CREB1: variants seen among roughly 807,000 people sequenced by gnomAD.
CREB1 encodes the protein cAMP responsive element binding protein 1, also known as cyclic AMP-responsive element-binding protein 1.
CREB1 carries 2 observed loss-of-function variants against 42.0 expected under a neutral mutation model. The observed-to-expected ratio is 0.05, with a 90% CI of 0.02 to 0.15. The LOEUF is 0.15. CREB1 is among the 10% of genes least tolerant of loss of function. The pLI, the probability that CREB1 is intolerant of heterozygous loss-of-function variation, is 1.00. For missense variants in CREB1, 199 were observed against 388.9 expected (o/e 0.51, Z 4.11); for synonymous variants, 123 against 139.9 (o/e 0.88, Z 0.85).
In CREB1 at chr2:207,533,406, A is replaced by G. The variant is rs955633040; in HGVS notation, c.-9+3272A>G. On this transcript the variant is annotated intron_variant, in intron 1 of 7. Transcript: ENST00000353267. ...TTGGTTTTGTTTGTTTGGATACAGT[A>G]TGGTTATGGGGTTATAGTAAAACCA... is the stretch of plus-strand genomic sequence containing the variant. Among the ~76,000 whole-genome samples, 51 of 152,272 alleles carry G rather than the reference A, an allele frequency of 3.3e-4. 1 individual carries two copies. The highest frequency in any genetic ancestry group is 2.0e-3 in the Admixed American group (30 of 15,270).
At chr2:207,568,951 C>T (rs1209892370) in intron 4 of CREB1, among the ~76,000 whole-genome samples, 1 of 152,110 alleles carries the variant, frequency 6.6e-6, no homozygotes, top group African/African-American at 2.4e-5. Context: ...CATTTCTTTC[C>T]TACCCATCCC....
intron 1 of CREB1, among the ~76,000 whole-genome samples, chr2:207,548,522 G>A (rs376258233): frequency 7.2e-5 from 11 of 152,116 alleles, no homozygotes; most frequent in Admixed American, 2.0e-4. Context: ...AGGCTGATGC[G>A]GGTAGATCAC....
intron 1 of CREB1, among the ~76,000 whole-genome samples, chr2:207,534,112 T>C (rs560363337): frequency 3.9e-5 from 6 of 152,386 alleles, no homozygotes; most frequent in Non-Finnish European, 8.8e-5. Flanking sequence ...ATACCTCACT[T>C]TCCTTTCTGA....
At chr2:207,543,578 G>A (rs1314816425) in intron 1 of CREB1, among the ~76,000 whole-genome samples, 2 of 151,852 alleles carry the variant, frequency 1.3e-5, no homozygotes, top group Admixed American at 6.6e-5. Flanking sequence ...CAGGGTTTCT[G>A]TTTTATTAAT....
At chr2:207,543,079 C>G (rs1258863630) in intron 1 of CREB1, among the ~76,000 whole-genome samples, 1 of 152,174 alleles carries the variant, frequency 6.6e-6, no homozygotes, top group Non-Finnish European at 1.5e-5. Context: ...ATGTAATCGA[C>G]AAATATCCTC....
At chr2:207,571,412 C>T (rs1253873297) in intron 5 of CREB1, among the ~76,000 whole-genome samples, 4 of 152,092 alleles carry the variant, frequency 2.6e-5, no homozygotes, top group Admixed American at 1.3e-4. Context: ...CTTTGTTTTG[C>T]GTAACTCTAA....
chr2:207,589,548 T>C (rs1268117198), intron 7 of CREB1, among the ~76,000 whole-genome samples: 1 of 152,234 alleles, frequency 6.6e-6, no homozygotes, highest in East Asian at 1.9e-4. Flanking sequence ...GATTAGTACA[T>C]GGACACCTTT....
At chr2:207,591,629 C>T (rs891118430) in intron 7 of CREB1, among the ~76,000 whole-genome samples, 5 of 152,254 alleles carry the variant, frequency 3.3e-5, no homozygotes, top group East Asian at 3.9e-4. Context: ...GACGGGGTTT[C>T]GCCATGTTGG....
At chr2:207,545,423 T>C (rs1176654867) in intron 1 of CREB1, among the ~76,000 whole-genome samples, 2 of 152,112 alleles carry the variant, frequency 1.3e-5, no homozygotes, top group Non-Finnish European at 2.9e-5. Flanking sequence ...GGCCAGCTGG[T>C]CACGAACTTC....
In CREB1 at chr2:207,604,171, ATTGCCCATC is replaced by A. The variant is rs2087639208; in HGVS notation, c.*7117_*7125del. ...CAGGTGCTTGGACCTTCAGGAAAAG[ATTGCCCATC>A]TTGTCATTTGACCAGGCACTGAAGT... is the stretch of plus-strand genomic sequence containing the variant. On this transcript the variant is annotated 3_prime_UTR_variant, in exon 8 of 8. Coordinates refer to ENST00000353267, the MANE Select transcript of CREB1 (RefSeq NM_004379.5). 6.6e-6 allele frequency among the ~76,000 whole-genome samples: 1 copy of A among 152,216 alleles called. No individual in the cohort carries two copies. The highest frequency in any genetic ancestry group is 1.5e-5 in the Non-Finnish European group (1 of 68,030).
At chr2:207,582,193 C>T (rs2083053261) in intron 7 of CREB1, 1 of 702,654 alleles carries the variant, frequency 1.4e-6, no homozygotes, top group Non-Finnish European at 2.6e-6. Context: ...AATTTGTGGT[C>T]ATATGTTAAA....
chr2:207,595,819 T>C (rs1278850806), intron 7 of CREB1, among the ~76,000 whole-genome samples: 1 of 152,194 alleles, frequency 6.6e-6, no homozygotes, highest in Non-Finnish European at 1.5e-5. Flanking sequence ...TTCTCCCACC[T>C]CAGCCTCCCA....
intron 3 of CREB1, among the ~76,000 whole-genome samples, chr2:207,564,964 G>A (rs1453999198): frequency 6.6e-6 from 1 of 151,562 alleles, no homozygotes; most frequent in Non-Finnish European, 1.5e-5. Context: ...TTCATATGAT[G>A]TTTTTATTCT....
chr2:207,560,202 T>G, intron 2 of CREB1, 24 bp from the exon 3 acceptor site: 1 of 1,540,594 alleles, frequency 6.5e-7, no homozygotes, highest in Non-Finnish European at 8.8e-7. Flanking sequence ...GGATGATAAT[T>G]CTTTTCTGTG....
Position 207,601,856 on chromosome 2 carries a change from T to A in CREB1, c.*4798T>A, listed in dbSNP as rs1203292104. 1.8e-5 allele frequency: 4 copies of A among 217,378 alleles called. No homozygotes were observed. The East Asian group carries it at 2.7e-4, about 15-fold the overall frequency. The allele number at this position is 217,378 out of a possible 1,614,324, so 13.5% of individuals were successfully genotyped here. A position where few individuals can be genotyped will look rare whatever the true frequency, so the allele number is the denominator to read the frequency against. On this transcript the variant is annotated 3_prime_UTR_variant, in exon 8 of 8. Coordinates refer to ENST00000353267, the MANE Select transcript of CREB1 (RefSeq NM_004379.5). ...GTTGTACAAAGCACAACTAGAACTT[T>A]TTGTTGGGAGGCTTACATACATCTT...
At chr2:207,540,392 G>A (rs912315386) in intron 1 of CREB1, among the ~76,000 whole-genome samples, 2 of 151,902 alleles carry the variant, frequency 1.3e-5, no homozygotes, top group Non-Finnish European at 2.9e-5. Context: ...TGTAATCCTA[G>A]CACTTGGGGA....
intron 1 of CREB1, among the ~76,000 whole-genome samples, chr2:207,548,764 G>A (rs901970823): frequency 6.6e-6 from 1 of 151,468 alleles, no homozygotes; most frequent in East Asian, 1.9e-4. Context: ...TGCCTCCCCC[G>A]CTCCCCCCCA....
intron 1 of CREB1, among the ~76,000 whole-genome samples, chr2:207,546,869 A>C (rs1317001770): frequency 1.3e-5 from 2 of 152,202 alleles, no homozygotes; most frequent in African/African-American, 4.8e-5. Context: ...GGTACCTTTG[A>C]GTTCTTGGGC....
In CREB1 at chr2:207,570,300, C is replaced by T. The variant is rs1239481945; in HGVS notation, c.484C>T (p.Gln162Ter). The change falls in exon 5 of 8, where the codon CAA (glutamine) becomes TAA (stop). Residue 162 changes from glutamine (Q) to a stop codon, truncating the protein, a stop_gained. Coordinates refer to ENST00000353267, the MANE Select transcript of CREB1 (RefSeq NM_004379.5). LOFTEE classifies it high-confidence loss of function. ...TGTAACGGTGCCAACTCCAATTTAC[C>T]AAACTAGCAGTGGACAGTATAGTGA... ...TTVTVPTPIY[Q>*]TSSGQYIAIT... 1 of 1,612,596 alleles carries T rather than the reference C, an allele frequency of 6.2e-7. No individual in the cohort carries two copies. Among genetic ancestry groups the T allele is most frequent in the Non-Finnish European group, 8.5e-7 (1 of 1,179,242 alleles).
Sources: gnomAD v4.1 joint callset for allele counts (sites outside exome capture counted in the v4.1 genomes callset) on GRCh38, gnomAD v4.1.1 for gene constraint, MANE v1.5 for transcripts, NCBI Gene and HGNC (gene_info 2026-07-23, HGNC 2026-07-21) for gene names.